The following PPP6R3 variants were observed in gnomAD, a reference collection of about 807,000 sequenced individuals.
PPP6R3 encodes the protein protein phosphatase 6 regulatory subunit 3.
In PPP6R3, 38 loss-of-function variants were observed where a neutral mutation model predicts 110.7. The observed-to-expected ratio is 0.34, with a 90% CI of 0.26 to 0.45. The LOEUF is 0.45. PPP6R3 is among the 20% of genes least tolerant of loss of function. The pLI is 1.00. For missense variants in PPP6R3, 870 were observed against 1,062.4 expected (o/e 0.82, Z 2.52); for synonymous variants, 369 against 373.5 (o/e 0.99, Z 0.14).
chr11:68,541,798 G>A (rs2099317027), intron 3 of PPP6R3, among the ~76,000 whole-genome samples: 1 of 152,068 alleles, frequency 6.6e-6, no homozygotes, highest in African/African-American at 2.4e-5. Context: ...CTGCTACCCT[G>A]GAAACCAAGG....
chr11:68,610,058 T>C, intron 23 of PPP6R3, 35 bp downstream of exon 23: 1 of 1,606,852 alleles, frequency 6.2e-7, no homozygotes, highest in Middle Eastern at 1.7e-4. Flanking sequence ...ACCCAGGCCC[T>C]GCCCTGACCT....
chr11:68,603,685 TC>T, intron 22 of PPP6R3, 193 bp downstream of exon 22: 1 of 636,902 alleles, frequency 1.6e-6, no homozygotes, highest in Non-Finnish European at 2.6e-6. Context: ...AAGTGCCTTT[TC>T]CCCCATAAAT....
chr11:68,497,717 T>G (rs1180928498), intron 1 of PPP6R3, among the ~76,000 whole-genome samples: 1 of 152,244 alleles, frequency 6.6e-6, no homozygotes, highest in Non-Finnish European at 1.5e-5. Flanking sequence ...GGTTTTCTTT[T>G]CACTTCTTGA....
chr11:68,477,272 C>T (rs1011423264), intron 1 of PPP6R3, among the ~76,000 whole-genome samples: 7 of 151,844 alleles, frequency 4.6e-5, no homozygotes, highest in Middle Eastern at 3.4e-3. Flanking sequence ...AATACAACAC[C>T]GGATGTCCCT....
intron 10 of PPP6R3, 74 bp from the exon 11 acceptor site, chr11:68,569,673 TG>T (rs2099494922): frequency 3.2e-6 from 4 of 1,260,164 alleles, no homozygotes; most frequent in African/African-American, 3.0e-5. Context: ...ATTAAATCAC[TG>T]TTCTGTAAAT....
intron 22 of PPP6R3, among the ~76,000 whole-genome samples, chr11:68,607,717 A>G (rs1286993024): frequency 2.6e-5 from 4 of 151,778 alleles, no homozygotes; most frequent in Non-Finnish European, 5.9e-5. Context: ...TCTGTCATCT[A>G]TCTATCTATC....
Position 68,613,177 on chromosome 11 carries a change from G to A in PPP6R3, c.*60G>A, listed in dbSNP as rs1460743753. 6.2e-7 allele frequency: 1 copy of A among 1,606,406 alleles called. No individual in the cohort carries two copies. Among genetic ancestry groups the A allele is most frequent in the Non-Finnish European group, 8.5e-7 (1 of 1,176,844 alleles). ...AGACCGCCACCACTCAGGGGCTCTG[G>A]AGGGGTCAGCTGGAGCCCACCAAGC... On this transcript the variant is annotated 3_prime_UTR_variant, in exon 24 of 24. Coordinates refer to ENST00000393800, the MANE Select transcript of PPP6R3 (RefSeq NM_001164161.2).
chr11:68,559,837 C>T (rs1245639612), intron 8 of PPP6R3, among the ~76,000 whole-genome samples: 1 of 134,300 alleles, frequency 7.4e-6, no homozygotes, highest in Admixed American at 7.7e-5. Flanking sequence ...CCCAGCGGTA[C>T]GGTGCCCTCT....
intron 22 of PPP6R3, among the ~76,000 whole-genome samples, chr11:68,604,467 A>AT (rs1938302296): frequency 6.6e-6 from 1 of 152,294 alleles, no homozygotes; most frequent in South Asian, 2.1e-4. Context: ...TCAGTGAGGC[A>AT]TTAGAAGTAT....
chr11:68,573,575 T>A (rs919213844), intron 12 of PPP6R3, among the ~76,000 whole-genome samples: 2 of 152,130 alleles, frequency 1.3e-5, no homozygotes, highest in Non-Finnish European at 2.9e-5. Context: ...GTTGACTGTC[T>A]CCTATCTTGG....
At chr11:68,562,053 GAAAA>G (rs35619596) in intron 8 of PPP6R3, among the ~76,000 whole-genome samples, 1 of 147,424 alleles carries the variant, frequency 6.8e-6, no homozygotes, top group Non-Finnish European at 1.5e-5. Flanking sequence ...GAACATTAAA[GAAAA>G]AAAAAAACGC....
intron 22 of PPP6R3, 84 bp from the exon 23 acceptor site, chr11:68,609,820 G>A (rs1942441113): frequency 6.3e-7 from 1 of 1,598,548 alleles, no homozygotes; most frequent in Non-Finnish European, 8.6e-7. Flanking sequence ...TGACTCCAGA[G>A]CCATCTGCAT....
chr11:68,543,650 C>T (rs535045776), intron 3 of PPP6R3, among the ~76,000 whole-genome samples: 13 of 152,188 alleles, frequency 8.5e-5, no homozygotes, highest in Admixed American at 6.5e-4. Context: ...CATGCAGCCA[C>T]GTTTGGCTAT....
rs376548799 is a variant in PPP6R3, at chr11:68,466,903, G to A, written c.-158+6076G>A. 7.2e-3 allele frequency among the ~76,000 whole-genome samples: 1,087 copies of A among 151,972 alleles called. 13 individuals are homozygous for A. Among genetic ancestry groups the A allele is most frequent in the African/African-American group, 0.025 (1,030 of 41,446 alleles). The stretch of plus-strand genomic sequence containing the variant: ...GCTGGGATTACAGGCGTGAGCCACC[G>A]CGCCTGGCCATTTTTTGTATTTTTA... On this transcript the variant is annotated intron_variant, in intron 1 of 23. Coordinates refer to ENST00000393800, the MANE Select transcript of PPP6R3 (RefSeq NM_001164161.2).
At chr11:68,587,830 A>T (rs543236339) in intron 15 of PPP6R3, 97 bp from the exon 16 acceptor site, 1 of 1,018,278 alleles carries the variant, frequency 9.8e-7, no homozygotes, top group Non-Finnish European at 1.6e-6. Context: ...CCCTATGGCT[A>T]TGTAAATAAG....
intron 2 of PPP6R3, among the ~76,000 whole-genome samples, chr11:68,523,699 G>C (rs1476999920): frequency 1.0e-4 from 5 of 48,256 alleles, no homozygotes; most frequent in Admixed American, 3.1e-4. Flanking sequence ...TCCTACCCAT[G>C]CCCCCCTGCC....
At chr11:68,585,904 C>T (rs908599715) in intron 15 of PPP6R3, among the ~76,000 whole-genome samples, 1 of 152,072 alleles carries the variant, frequency 6.6e-6, no homozygotes, top group East Asian at 1.9e-4. Context: ...AATATAACAA[C>T]ATTTTGGGGA....
chr11:68,579,663 A>G (rs2099545433), intron 14 of PPP6R3, among the ~76,000 whole-genome samples: 1 of 152,254 alleles, frequency 6.6e-6, no homozygotes, highest in South Asian at 2.1e-4. Context: ...CACACACAAT[A>G]TGTGTAATAT....
At chr11:68,580,255 A>G (rs949594370) in intron 14 of PPP6R3, among the ~76,000 whole-genome samples, 1 of 152,218 alleles carries the variant, frequency 6.6e-6, no homozygotes, top group African/African-American at 2.4e-5. Flanking sequence ...CCAAACAGCC[A>G]GATTTTCTAC....
Sources: allele counts gnomAD v4.1 joint callset (sites outside exome capture counted in the v4.1 genomes callset), GRCh38; gene constraint gnomAD v4.1.1; transcripts MANE v1.5; gene names NCBI Gene and HGNC (gene_info 2026-07-23, HGNC 2026-07-21).